The following PLEC variants were observed in gnomAD, a reference collection of about 807,000 sequenced individuals.
PLEC encodes the protein plectin.
A neutral mutation model predicts 392.8 loss-of-function variants in PLEC; 216 were observed. The observed-to-expected ratio is 0.55, with a 90% confidence interval of 0.49 to 0.62. The LOEUF (loss-of-function observed/expected upper bound fraction) is 0.62, where lower values mean the gene tolerates loss of function less well. Ranked by LOEUF, PLEC falls within the 20% of genes least tolerant of loss-of-function variation. PLEC has a pLI of 0.00. For synonymous variants in PLEC, 3,621 were observed against 2,980.6 expected (o/e 1.21, Z -7.00); for missense variants, 6,863 against 6,563.4 (o/e 1.05, Z -1.58).
In PLEC at chr8:143,921,542, C is replaced by A. The variant is rs1554686155; in HGVS notation, c.8279G>T (p.Gly2760Val). The change falls in exon 32 of 32, where the codon GGC (glycine) becomes GTC (valine). Residue 2760 changes from glycine (G) to valine (V), a missense_variant. Transcript: ENST00000345136. ...CAGCAGCTTGTGGTGCAGCTCGGGGCCCACCACACCCTCCTTCACAGCCTC... is the reference window on the plus strand; with the variant it reads ...CAGCAGCTTGTGGTGCAGCTCGGGGACCACCACACCCTCCTTCACAGCCTC... ...VNEAVKEGVV[G>V]PELHHKLLSA... is the part of the protein sequence containing the mutation. The A allele has an allele frequency of 6.2e-7, 1 of 1,612,520 alleles. No individual in the cohort carries two copies. Among genetic ancestry groups the A allele is most frequent in the Non-Finnish European group, 8.5e-7 (1 of 1,179,588 alleles).
Position 143,923,892 on chromosome 8 carries a change from G to C in PLEC, c.6037C>G (p.Arg2013Gly), listed in dbSNP as rs34893635. ...GCCTCCTCCACCTTGGCTTTCAGCCGCTCGACTTCCTCCAGCGCCGCCTTC... is the reference window on the plus strand; with the variant it reads ...GCCTCCTCCACCTTGGCTTTCAGCCCCTCGACTTCCTCCAGCGCCGCCTTC... ...QRKAALEEVE[R>G]LKAKVEEARR... The change falls in exon 31 of 32, where the codon CGG becomes GGG. Residue 2013 changes from arginine to glycine, a missense_variant. Transcript: ENST00000345136. 6.3e-7 allele frequency: 1 copy of C among 1,594,564 alleles called. No homozygotes were observed. The highest frequency in any genetic ancestry group is 1.1e-5 in the South Asian group (1 of 90,708).
In PLEC at chr8:143,918,016, G is replaced by A. The variant is rs755044609; in HGVS notation, c.11805C>T (p.Ile3935=). The change falls in exon 32 of 32, where the codon ATC becomes ATT. Residue 3935 remains isoleucine, a synonymous_variant. Transcript: ENST00000345136. Reference sequence around the variant, plus strand: ...TGGTGGCGTCCACGAAGACACCAGCGATGCAGCTGGTGCCTTCCAGGAACT... The same window carrying A: ...TGGTGGCGTCCACGAAGACACCAGCAATGCAGCTGGTGCCTTCCAGGAACT... ...LQKFLEGTSC[I]AGVFVDATKE... 6.8e-6 allele frequency: 11 copies of A among 1,611,128 alleles called. No individual in the cohort carries two copies. Among genetic ancestry groups the A allele is most frequent in the African/African-American group, 5.3e-5 (4 of 74,874 alleles).
Position 143,925,870 on chromosome 8 carries a change from C to T in PLEC, c.4059G>A (p.Gln1353=). 1.3e-6 allele frequency: 2 copies of T among 1,546,656 alleles called. No homozygotes were observed. The highest frequency in any genetic ancestry group is 1.7e-6 in the Non-Finnish European group (2 of 1,152,586). ...RMEEEERLAE[Q]QRAEERERLA... The stretch of plus-strand genomic sequence containing the variant: ...GCCGCTCGCGCTCCTCTGCCCGCTG[C>T]TGCTCAGCCAGCCTCTGTGGCCACA... The change falls in exon 31 of 32, where the codon CAG becomes CAA. Residue 1353 remains glutamine, a synonymous_variant. Transcript: ENST00000345136.
chr8:143,943,650 G>A, upstream of PLEC: 4 of 868,936 alleles, frequency 4.6e-6, no homozygotes, highest in Non-Finnish European at 7.3e-6. Context: ...GTGGGGTGGA[G>A]GGGCAACACT....
intron 1 of PLEC, among the ~76,000 whole-genome samples, chr8:143,948,190 G>A (rs1051002638): frequency 1.3e-5 from 2 of 152,238 alleles, no homozygotes; most frequent in African/African-American, 2.4e-5. Flanking sequence ...CCTCACTGCA[G>A]GGGTACAGCT....
chr8:143,948,642 C>T (rs956547671), intron 1 of PLEC, among the ~76,000 whole-genome samples: 2 of 152,218 alleles, frequency 1.3e-5, no homozygotes, highest in African/African-American at 4.8e-5. Flanking sequence ...TTTGGGGGGA[C>T]TGAGTCACCT....
rs1305350735 is a variant in PLEC at position 143,929,121 on chromosome 8, G to A, written c.3242C>T (p.Ser1081Phe). The A allele has an allele frequency of 1.3e-6, 2 of 1,580,878 alleles. No individual in the cohort carries two copies. Among genetic ancestry groups the A allele is most frequent in the Admixed American group, 1.8e-5 (1 of 54,826 alleles). The change falls in exon 25 of 32, where the codon TCT becomes TTT. Residue 1081 changes from serine (S) to phenylalanine (F), a missense_variant. Physicochemically the swap from Ser to Phe is radical, Grantham distance 155. Transcript: ENST00000345136. ...CACTCACTTCTCCAGGTAGATGGCA[G>A]ACAGGCTGCGGACCTGCTCCAGCTT... Reference protein sequence around the residue: ...LGKLEQVRSLSAIYLEKLKTI... With the variant: ...LGKLEQVRSLFAIYLEKLKTI...
intron 10 of PLEC, 49 bp downstream of exon 10, chr8:143,934,586 G>A: frequency 6.2e-7 from 1 of 1,601,038 alleles, no homozygotes; most frequent in Non-Finnish European, 8.6e-7. Context: ...AACCTTTCAG[G>A]CCTGGGGCGT....
In PLEC at chr8:143,919,346, C is replaced by T; in HGVS notation, c.10475G>A (p.Gly3492Asp). The T allele has an allele frequency of 1.2e-6, 2 of 1,613,932 alleles. No homozygotes were observed. Among genetic ancestry groups the T allele is most frequent in the Non-Finnish European group, 1.7e-6 (2 of 1,180,024 alleles). ...GCGGTTCATCTCCTCACTGAAGTAG[C>T]CGCGCTGGTAGGCCACGTCCACAGG... ...RVPVDVAYQR[G>D]YFSEEMNRVL... Residue 3492 changes from glycine (G) to aspartate (D), a missense_variant, in exon 32 of 32, where the codon GGC (glycine) becomes GAC (aspartate). Physicochemically the swap from Gly to Asp is moderately conservative, Grantham distance 94. Transcript: ENST00000345136.
chr8:143,960,610 C>CT (rs1162385656), intron 1 of PLEC, among the ~76,000 whole-genome samples: 1 of 151,828 alleles, frequency 6.6e-6, no homozygotes, highest in South Asian at 2.1e-4. Context: ...AAGCAAGACT[C>CT]TGTCTCAAGA....
upstream of PLEC, among the ~76,000 whole-genome samples, chr8:143,944,200 C>T (rs569062932): frequency 2.5e-3 from 388 of 152,212 alleles, 5 homozygotes; most frequent in African/African-American, 8.5e-3. Context: ...TGCGTCCCCG[C>T]GGCCACACCC....
rs782658240 is a variant in PLEC, at chr8:143,923,834, G to A, written c.6095C>T (p.Ser2032Leu). Reference protein sequence around the residue: ...RRLRERAEQESARQLQLAQEA... With the variant: ...RRLRERAEQELARQLQLAQEA... ...CTGGGCCAGCTGCAGCTGCCGCGCC[G>A]ACTCCTGCTCCGCTCGCTCCCGCAG... Residue 2032 changes from serine (S) to leucine (L), a missense_variant, in exon 31 of 32, where the codon TCG (serine) becomes TTG (leucine). Ser to Leu is a moderately radical substitution (Grantham distance 145). Coordinates refer to ENST00000345136, the MANE Select transcript of PLEC (RefSeq NM_201384.3). The A allele has an allele frequency of 1.9e-5, 30 of 1,587,552 alleles. No homozygotes were observed. The highest frequency in any genetic ancestry group is 4.5e-5 in the East Asian group (2 of 44,184).
In PLEC at chr8:143,921,515, G is replaced by A. The variant is rs368412208; in HGVS notation, c.8306C>T (p.Ser2769Leu). Reference protein sequence around the residue: ...VGPELHHKLLSAERAVTGYKD... With the variant: ...VGPELHHKLLLAERAVTGYKD... ...GTAGCCAGTGACGGCGCGCTCGGCC[G>A]ACAGCAGCTTGTGGTGCAGCTCGGG... The change falls in exon 32 of 32, where the codon TCG becomes TTG. Residue 2769 changes from serine (S) to leucine (L), a missense_variant. Transcript: ENST00000345136. 76 of 1,612,852 alleles carry A rather than the reference G, an allele frequency of 4.7e-5. 1 individual carries two copies. The highest frequency in any genetic ancestry group is 5.4e-5 in the Non-Finnish European group (64 of 1,179,792).
At position 143,947,664 on chromosome 8, in the gene PLEC, C is replaced by T. The variant is rs906313591; in HGVS notation, c.523+2520G>A. Among the ~76,000 whole-genome samples the T allele has an allele frequency of 1.8e-4, 28 of 152,124 alleles. 3 individuals carry two copies. Among genetic ancestry groups the T allele is most frequent in the Admixed American group, 1.6e-3 (24 of 15,274 alleles). On this transcript the variant is annotated intron_variant, in intron 1 of 31. Coordinates refer to the PLEC transcript ENST00000322810. Reference sequence around the variant, plus strand: ...ACTCAGGAGGCTGAGACAGGAGAATCGCTTCAACCCGGGAGGCGGAGGTTG... The same window carrying T: ...ACTCAGGAGGCTGAGACAGGAGAATTGCTTCAACCCGGGAGGCGGAGGTTG...
chr8:143,922,116 T>C lies in PLEC; in HGVS notation c.7705A>G (p.Lys2569Glu). ...QHEAEEGVRR[K>E]QEELQQLEQQ... ...TCCAGCTGCTGCAGCTCCTCCTGCT[T>C]GCGCCGCACGCCCTCCTCGGCCTCA... The change falls in exon 32 of 32, where the codon AAG becomes GAG. Residue 2569 changes from lysine (K) to glutamate (E), a missense_variant. By Grantham distance (56) the Lys-to-Glu change is moderately conservative. Transcript: ENST00000345136. 1 of 1,547,652 alleles carries C rather than the reference T, an allele frequency of 6.5e-7. No homozygotes were observed. Among genetic ancestry groups the C allele is most frequent in the Admixed American group, 1.9e-5 (1 of 52,148 alleles).
chr8:143,950,534 C>T (rs1554735627), exon 1 of PLEC: 8 of 1,607,652 alleles, frequency 5.0e-6, no homozygotes, highest in East Asian at 2.2e-5. Context: ...GACCAGGCCC[C>T]GTGCCCGCAG....
At chr8:143,934,249 G>T in intron 11 of PLEC, 69 bp downstream of exon 11, 1 of 1,602,886 alleles carries the variant, frequency 6.2e-7, no homozygotes. Flanking sequence ...GGGGCGGGGA[G>T]GGGGGTTTCC....
At position 143,923,307 on chromosome 8, in the gene PLEC, C is replaced by T; in HGVS notation, c.6622G>A (p.Glu2208Lys). Residue 2208 changes from glutamate (E) to lysine (K), a missense_variant, in exon 31 of 32, where the codon GAG becomes AAG. Glu to Lys is a moderately conservative substitution (Grantham distance 56). Coordinates refer to ENST00000345136, the MANE Select transcript of PLEC (RefSeq NM_201384.3). ...GCCTCCGCCTTCAGCCGCTGCAGCT[C>T]CTCGTCCAGCAGGTTCTTCTGGTGG... ...TDHQKNLLDE[E>K]LQRLKAEATE... is the part of the protein sequence containing the mutation. 2 of 1,609,432 alleles carry T rather than the reference C, an allele frequency of 1.2e-6. No homozygotes were observed. Among genetic ancestry groups the T allele is most frequent in the Non-Finnish European group, 1.7e-6 (2 of 1,179,654 alleles).
rs782391070 is a variant in PLEC, at chr8:143,932,545, C to T, written c.1832G>A (p.Arg611His). The change falls in exon 16 of 32, where the codon CGC (arginine) becomes CAC (histidine). Residue 611 changes from arginine to histidine, a missense_variant. Coordinates refer to ENST00000345136, the MANE Select transcript of PLEC (RefSeq NM_201384.3). ...YAKLLNSSKA[R>H]LRSLESLHSF... is the part of the protein sequence containing the mutation. ...GTGCAAGCTCTCCAGGGACCTGAGG[C>T]GGGCCTTGGAGGAGTTCTGTGGGCA... 9 of 1,612,412 alleles carry T rather than the reference C, an allele frequency of 5.6e-6. No homozygotes were observed. The highest frequency in any genetic ancestry group is 3.3e-5 in the Admixed American group (2 of 59,998).
Sources: gnomAD v4.1 joint callset for allele counts (sites outside exome capture counted in the v4.1 genomes callset) on GRCh38, gnomAD v4.1.1 for gene constraint, MANE v1.5 for transcripts, NCBI Gene and HGNC (gene_info 2026-07-23, HGNC 2026-07-21) for gene names.